DPP10: variants seen among roughly 807,000 people sequenced by gnomAD.
DPP10 encodes dipeptidyl peptidase like 10.
A neutral mutation model predicts 120.9 loss-of-function variants in DPP10; 33 were observed. That is an observed-to-expected ratio of 0.27 (90% CI 0.21 to 0.37). DPP10 has a LOEUF of 0.37. DPP10 is among the 10% of genes least tolerant of loss of function. The pLI, the probability that DPP10 is intolerant of heterozygous loss-of-function variation, is 1.00. For synonymous variants in DPP10, 337 were observed against 326.1 expected (o/e 1.03, Z -0.36); for missense variants, 816 against 942.8 (o/e 0.87, Z 1.76).
At chr2:114,864,589 G>C (rs922749136) in intron 1 of DPP10, among the ~76,000 whole-genome samples, 1 of 152,140 alleles carries the variant, frequency 6.6e-6, no homozygotes, top group Non-Finnish European at 1.5e-5. Context: ...TTATTTACAG[G>C]AAACTTGGAA....
intron 1 of DPP10, among the ~76,000 whole-genome samples, chr2:114,477,892 C>CCT (rs1680610775): frequency 8.8e-6 from 1 of 114,004 alleles, no homozygotes; most frequent in Non-Finnish European, 2.0e-5. Flanking sequence ...TATATATGTA[C>CCT]ATATGTGTAT....
chr2:114,748,362 TTTTATTTATTTATTTATTTA>T (rs57013331), intron 1 of DPP10, among the ~76,000 whole-genome samples: 1 of 124,730 alleles, frequency 8.0e-6, no homozygotes, highest in Non-Finnish European at 1.6e-5. Flanking sequence ...TTTTTTTTTA[TTTTATTTATTTATTTATTTA>T]TTTATTTATT....
chr2:115,162,158 T>C, intron 1 of DPP10: 1 of 1,542,222 alleles, frequency 6.5e-7, no homozygotes, highest in Non-Finnish European at 8.7e-7. Context: ...CCGCCCCAGT[T>C]CCAGGCTCTC....
At chr2:115,400,943 G>T (rs2068029363) in intron 3 of DPP10, among the ~76,000 whole-genome samples, 1 of 152,172 alleles carries the variant, frequency 6.6e-6, no homozygotes, top group Admixed American at 6.5e-5. Context: ...CTATGGCTTT[G>T]CCAGCTAAAA....
chr2:115,719,726 G>GTA (rs1371091897), intron 7 of DPP10, among the ~76,000 whole-genome samples: 1 of 152,114 alleles, frequency 6.6e-6, no homozygotes, highest in African/African-American at 2.4e-5. Context: ...TCTTAATGAA[G>GTA]TATAAATGCT....
chr2:115,473,238 T>C (rs1331382460), intron 3 of DPP10, among the ~76,000 whole-genome samples: 1 of 152,202 alleles, frequency 6.6e-6, no homozygotes, highest in Admixed American at 6.5e-5. Flanking sequence ...TAATTATTAA[T>C]CTGATTTGAT....
At chr2:115,164,120 A>C (rs1288456627) in intron 1 of DPP10, among the ~76,000 whole-genome samples, 3 of 152,162 alleles carry the variant, frequency 2.0e-5, no homozygotes, top group Non-Finnish European at 4.4e-5. Context: ...TATGAATCTT[A>C]TGCATGTGTT....
intron 11 of DPP10, among the ~76,000 whole-genome samples, chr2:115,760,533 C>T (rs1323891933): frequency 6.6e-6 from 1 of 152,128 alleles, no homozygotes; most frequent in Admixed American, 6.6e-5. Context: ...GTGCATTTCA[C>T]TATATGTGAA....
At position 115,314,724 on chromosome 2, in the gene DPP10, T is replaced by G. The variant is rs1237326990; in HGVS notation, c.175+5371T>G. Among the ~76,000 whole-genome samples the G allele has an allele frequency of 3.3e-5, 5 of 152,200 alleles. 1 individual carries two copies. Among genetic ancestry groups the G allele is most frequent in the African/African-American group, 7.2e-5 (3 of 41,464 alleles). ...CCAGGTCGATACTGCCACAGTGATGTTGATGATTAGATAAGTCTTTAATAT... is the reference window on the plus strand; with the variant it reads ...CCAGGTCGATACTGCCACAGTGATGGTGATGATTAGATAAGTCTTTAATAT... On this transcript the variant is annotated intron_variant, in intron 2 of 25. Coordinates refer to ENST00000410059, the MANE Select transcript of DPP10 (RefSeq NM_020868.6).
chr2:115,270,392 G>A (rs909947108), intron 1 of DPP10, among the ~76,000 whole-genome samples: 5 of 152,016 alleles, frequency 3.3e-5, no homozygotes, highest in Non-Finnish European at 7.4e-5. Flanking sequence ...CAGATCAGGA[G>A]CAGATAGAAA....
intron 1 of DPP10, among the ~76,000 whole-genome samples, chr2:114,559,346 A>G (rs1280169590): frequency 6.6e-6 from 1 of 152,198 alleles, no homozygotes; most frequent in Non-Finnish European, 1.5e-5. Context: ...TCCCTGGAGG[A>G]CACAAGTGAA....
At chr2:114,535,871 A>G (rs918684000) in intron 1 of DPP10, among the ~76,000 whole-genome samples, 2 of 152,122 alleles carry the variant, frequency 1.3e-5, no homozygotes, top group African/African-American at 4.8e-5. Context: ...ATTTTTCACC[A>G]TGGCTTTCCT....
At chr2:115,789,390 A>G (rs1683696407) in intron 17 of DPP10, among the ~76,000 whole-genome samples, 1 of 152,230 alleles carries the variant, frequency 6.6e-6, no homozygotes, top group African/African-American at 2.4e-5. Flanking sequence ...AGGAGTTTTT[A>G]AAAACTTGAA....
chr2:115,177,095 G>A (rs1026154330), intron 1 of DPP10, among the ~76,000 whole-genome samples: 1 of 152,076 alleles, frequency 6.6e-6, no homozygotes, highest in African/African-American at 2.4e-5. Context: ...AAATTCGTTT[G>A]TCATCCATGA....
chr2:114,580,770 T>C lies in DPP10; in HGVS notation c.60+137932T>C, dbSNP rs142329060. Among the ~76,000 whole-genome samples, 494 of 151,260 alleles carry C rather than the reference T, an allele frequency of 3.3e-3. 5 individuals carry two copies. The highest frequency in any genetic ancestry group is 0.011 in the African/African-American group (460 of 41,204). The stretch of plus-strand genomic sequence containing the variant: ...CTCCAACAACTTCCCACTTAAATTA[T>C]AGGAAGAACAAAACATCAACATGAC... On this transcript the variant is annotated intron_variant, in intron 1 of 25. Coordinates refer to ENST00000410059, the MANE Select transcript of DPP10 (RefSeq NM_020868.6).
chr2:115,037,275 G>A (rs559549521), intron 1 of DPP10, among the ~76,000 whole-genome samples: 26 of 152,250 alleles, frequency 1.7e-4, no homozygotes, highest in African/African-American at 5.8e-4. Context: ...AAGGAGGAGA[G>A]AAACAACGAA....
chr2:115,814,281 C>T (rs899228616), intron 19 of DPP10, among the ~76,000 whole-genome samples: 7 of 151,918 alleles, frequency 4.6e-5, no homozygotes, highest in Non-Finnish European at 1.0e-4. Context: ...CAAAACAATT[C>T]AGGAAATACT....
chr2:114,597,526 A>G (rs558913114), intron 1 of DPP10, among the ~76,000 whole-genome samples: 2 of 152,116 alleles, frequency 1.3e-5, no homozygotes, highest in African/African-American at 2.4e-5. Flanking sequence ...CTCAGTTGAT[A>G]TTAGACATTA....
At chr2:114,960,379 T>TATATAC (rs1698521637) in intron 1 of DPP10, among the ~76,000 whole-genome samples, 2 of 149,818 alleles carry the variant, frequency 1.3e-5, no homozygotes, top group South Asian at 4.2e-4. Flanking sequence ...TATATATATA[T>TATATAC]ATATATACTT....
Sources: gnomAD v4.1 joint callset for allele counts (sites outside exome capture counted in the v4.1 genomes callset) on GRCh38, gnomAD v4.1.1 for gene constraint, MANE v1.5 for transcripts, NCBI Gene and HGNC (gene_info 2026-07-23, HGNC 2026-07-21) for gene names.